SUCLG2: variants seen among roughly 807,000 people sequenced by gnomAD.
The protein encoded by SUCLG2 is succinate--CoA ligase [GDP-forming] subunit beta, mitochondrial.
A neutral mutation model predicts 47.9 loss-of-function variants in SUCLG2; 42 were observed. That is an observed-to-expected ratio of 0.88 (90% CI 0.69 to 1.14). The LOEUF is 1.14. SUCLG2 is among the 50% of genes most tolerant of loss of function. The pLI, the probability that SUCLG2 is intolerant of heterozygous loss-of-function variation, is 0.00. For missense variants in SUCLG2, 571 were observed against 525.9 expected (o/e 1.09, Z -0.84); for synonymous variants, 195 against 197.3 (o/e 0.99, Z 0.10).
At chr3:67,399,161 T>G (rs533041371) in intron 10 of SUCLG2, among the ~76,000 whole-genome samples, 2 of 149,626 alleles carry the variant, frequency 1.3e-5, no homozygotes, top group South Asian at 4.2e-4. Context: ...CCCTAAAACT[T>G]AAAGTATAAT....
intron 1 of SUCLG2, among the ~76,000 whole-genome samples, chr3:67,620,141 A>C (rs987210168): frequency 6.6e-6 from 1 of 152,252 alleles, no homozygotes; most frequent in Admixed American, 6.5e-5. Context: ...ACTGTGTTTG[A>C]CATCCAAGAT....
intron 9 of SUCLG2, among the ~76,000 whole-genome samples, chr3:67,441,449 G>A (rs1448472803): frequency 2.6e-5 from 4 of 151,936 alleles, no homozygotes; most frequent in Non-Finnish European, 5.9e-5. Flanking sequence ...CTCATGGGAA[G>A]GAATTGAAGC....
At chr3:67,403,829 G>A (rs1296259534) in intron 9 of SUCLG2, among the ~76,000 whole-genome samples, 1 of 152,206 alleles carries the variant, frequency 6.6e-6, no homozygotes, top group African/African-American at 2.4e-5. Flanking sequence ...GGCCAAGATT[G>A]TCAGGTGCCA....
intron 9 of SUCLG2, among the ~76,000 whole-genome samples, chr3:67,442,012 C>CTT (rs540149754): frequency 0.014 from 1,919 of 139,978 alleles, 34 homozygotes; most frequent in Non-Finnish European, 0.022. Context: ...TACTTTCTTT[C>CTT]TTTTTTTTTT....
intron 9 of SUCLG2, among the ~76,000 whole-genome samples, chr3:67,489,683 G>A (rs1246026715): frequency 2.0e-5 from 3 of 152,120 alleles, no homozygotes; most frequent in African/African-American, 7.2e-5. Context: ...GAAAACAGTC[G>A]CTTGCAGATA....
chr3:67,625,134 C>T (rs1435339253), intron 1 of SUCLG2, among the ~76,000 whole-genome samples: 1 of 151,956 alleles, frequency 6.6e-6, no homozygotes, highest in African/African-American at 2.4e-5. Context: ...AACAACTGGC[C>T]CAAACTAGAA....
At chr3:67,617,775 T>C (rs1215126289) in intron 1 of SUCLG2, among the ~76,000 whole-genome samples, 1 of 152,156 alleles carries the variant, frequency 6.6e-6, no homozygotes, top group African/African-American at 2.4e-5. Context: ...CAAAGGCTGT[T>C]GTAAAGATTA....
At chr3:67,530,537 A>C (rs1706375510) in intron 2 of SUCLG2, among the ~76,000 whole-genome samples, 1 of 152,180 alleles carries the variant, frequency 6.6e-6, no homozygotes, top group African/African-American at 2.4e-5. Flanking sequence ...TTCAAACGGA[A>C]AGAGCTGTGG....
chr3:67,608,358 C>G (rs1700462432), intron 2 of SUCLG2, among the ~76,000 whole-genome samples: 1 of 152,194 alleles, frequency 6.6e-6, no homozygotes, highest in African/African-American at 2.4e-5. Flanking sequence ...TACCATGAAG[C>G]AACATCCCAT....
chr3:67,616,243 A>G (rs1213882929), intron 1 of SUCLG2, among the ~76,000 whole-genome samples: 1 of 152,192 alleles, frequency 6.6e-6, no homozygotes, highest in African/African-American at 2.4e-5. Flanking sequence ...AACCACTGAG[A>G]TCTTAGGAAT....
In SUCLG2 at chr3:67,635,689, C is replaced by G. The variant is rs139814325; in HGVS notation, c.84+18814G>C. 7.9e-3 allele frequency among the ~76,000 whole-genome samples: 1,201 copies of G among 152,296 alleles called. 14 individuals carry two copies. The highest frequency in any genetic ancestry group is 0.027 in the African/African-American group (1,140 of 41,562). On this transcript the variant is annotated intron_variant, in intron 1 of 10. Coordinates refer to ENST00000307227, the MANE Select transcript of SUCLG2 (RefSeq NM_003848.4). Reference sequence around the variant, plus strand: ...TCCCGCTGCTTAGGGATCCTGAACTCTGTCCTTCAGTTCTCCAGTGCAAAA... The same window carrying G: ...TCCCGCTGCTTAGGGATCCTGAACTGTGTCCTTCAGTTCTCCAGTGCAAAA...
chr3:67,618,148 G>GC (rs1700663875), intron 1 of SUCLG2, among the ~76,000 whole-genome samples: 1 of 152,104 alleles, frequency 6.6e-6, no homozygotes, highest in Non-Finnish European at 1.5e-5. Context: ...AGGGCCAGGC[G>GC]CAGTGGCTCA....
intron 9 of SUCLG2, among the ~76,000 whole-genome samples, chr3:67,441,992 T>G (rs981786565): frequency 2.6e-5 from 4 of 151,868 alleles, no homozygotes; most frequent in Admixed American, 2.6e-4. Context: ...ATTTCATCAA[T>G]CTGGCTGTCT....
At chr3:67,506,275 C>T (rs1173205738) in intron 7 of SUCLG2, among the ~76,000 whole-genome samples, 1 of 152,174 alleles carries the variant, frequency 6.6e-6, no homozygotes. Flanking sequence ...GGTCATTAAT[C>T]ACCATTTCCT....
intron 10 of SUCLG2, among the ~76,000 whole-genome samples, chr3:67,387,184 G>A (rs555708040): frequency 6.6e-6 from 1 of 152,278 alleles, no homozygotes; most frequent in East Asian, 1.9e-4. Flanking sequence ...CTTCTTAGAA[G>A]TGTAAATGCA....
At chr3:67,510,195 A>G (rs929475816) in intron 6 of SUCLG2, among the ~76,000 whole-genome samples, 3 of 152,158 alleles carry the variant, frequency 2.0e-5, no homozygotes, top group African/African-American at 7.2e-5. Context: ...CGCCTATGAA[A>G]CACATCCCTA....
At chr3:67,538,253 G>T (rs1040226234) in intron 2 of SUCLG2, among the ~76,000 whole-genome samples, 2 of 152,138 alleles carry the variant, frequency 1.3e-5, no homozygotes, top group Non-Finnish European at 2.9e-5. Context: ...TGTGTAAGGC[G>T]TAAGGAAGGG....
chr3:67,486,894 T>C (rs1451126642), intron 9 of SUCLG2, among the ~76,000 whole-genome samples: 1 of 152,232 alleles, frequency 6.6e-6, no homozygotes, highest in East Asian at 1.9e-4. Context: ...TTTTCACCAC[T>C]CTGCACATTG....
downstream of SUCLG2, among the ~76,000 whole-genome samples, chr3:67,372,839 A>T (rs1253222440): frequency 6.6e-6 from 1 of 152,164 alleles, no homozygotes; most frequent in Non-Finnish European, 1.5e-5. Context: ...TTATTTATCT[A>T]GAGCTGGGGT....
Sources: allele counts gnomAD v4.1 joint callset (sites outside exome capture counted in the v4.1 genomes callset), GRCh38; gene constraint gnomAD v4.1.1; transcripts MANE v1.5; gene names NCBI Gene and HGNC (gene_info 2026-07-23, HGNC 2026-07-21).